Variants in ALX4 observed in about 807,000 individuals in gnomAD.
The protein encoded by ALX4 is homeobox protein aristaless-like 4.
A neutral mutation model predicts 40.6 loss-of-function variants in ALX4; 22 were observed. The observed-to-expected ratio is 0.54, with a 90% CI of 0.39 to 0.77. ALX4 has a LOEUF of 0.77. ALX4 is among the 30% of genes least tolerant of loss of function. The probability of loss-of-function intolerance (pLI) is 0.00; values close to 1 mark genes in which losing one functional copy is unlikely to be tolerated. For synonymous variants in ALX4, 266 were observed against 240.5 expected, an observed-to-expected ratio of 1.11 and a Z score of -0.98; for missense variants, 556 against 564.8, an observed-to-expected ratio of 0.98 and a Z score of 0.16.
chr11:44,275,797 G>T, intron 1 of ALX4, 139 bp from the exon 2 acceptor site: 1 of 761,208 alleles, frequency 1.3e-6, no homozygotes, highest in Non-Finnish European at 2.1e-6. Context: ...GAGGTCCGGA[G>T]ACTTGGCTTC....
At chr11:44,293,560 C>A (rs1426663436) in intron 1 of ALX4, among the ~76,000 whole-genome samples, 1 of 152,234 alleles carries the variant, frequency 6.6e-6, no homozygotes, top group East Asian at 1.9e-4. Context: ...CGGGATAGAT[C>A]TCCTGAGAGG....
chr11:44,267,628 A>AGAC lies in ALX4; in HGVS notation c.778-9_778-7dup. On this transcript the variant is annotated splice_polypyrimidine_tract_variant and splice_region_variant and intron_variant, in intron 2 of 3. Coordinates refer to ENST00000652299, the MANE Select transcript of ALX4 (RefSeq NM_021926.4). ...CTTCGGTTCTGGAACCAGACCTACAAGACGCGAAAAAGCCATTGTCACCAG... is the reference window on the plus strand; with the variant it reads ...CTTCGGTTCTGGAACCAGACCTACAAGACGACGCGAAAAAGCCATTGTCACCAG... The AGAC allele has an allele frequency of 3.1e-6, 5 of 1,614,146 alleles. No homozygotes were observed. Among genetic ancestry groups the AGAC allele is most frequent in the Non-Finnish European group, 4.2e-6 (5 of 1,180,024 alleles).
intron 1 of ALX4, among the ~76,000 whole-genome samples, chr11:44,307,186 A>T (rs942105298): frequency 6.6e-6 from 1 of 152,064 alleles, no homozygotes; most frequent in Non-Finnish European, 1.5e-5. Context: ...GGGCAGGGGT[A>T]GCGGGGGCTC....
In ALX4 at chr11:44,265,024, C is replaced by A. The variant is rs952423649; in HGVS notation, c.1066G>T (p.Gly356Cys). ...ATGTGCGTCTGGCCCACGTGACTGC[C>A]AGCCCCAGACACACTCAGGAAGTCG... The part of the protein sequence containing the change: ...VTDFLSVSGA[G>C]SHVGQTHMGS... Residue 356 changes from glycine (G) to cysteine (C), a missense_variant, in exon 4 of 4, where the codon GGC (glycine) becomes TGC (cysteine). By Grantham distance (159) the Gly-to-Cys change is radical. Transcript: ENST00000652299. 6.2e-7 allele frequency: 1 copy of A among 1,613,096 alleles called. No individual in the cohort carries two copies. Among genetic ancestry groups the A allele is most frequent in the South Asian group, 1.1e-5 (1 of 91,080 alleles).
chr11:44,269,944 A>G (rs1306728460), intron 2 of ALX4, among the ~76,000 whole-genome samples: 2 of 151,726 alleles, frequency 1.3e-5, no homozygotes, highest in Non-Finnish European at 2.9e-5. Flanking sequence ...ACGGAGAGAG[A>G]TGGCTTCTCT....
intron 2 of ALX4, 99 bp downstream of exon 2, chr11:44,275,249 T>A: frequency 3.3e-6 from 4 of 1,229,622 alleles, no homozygotes; most frequent in Non-Finnish European, 2.4e-6. Context: ...AGGAAAGCCA[T>A]GGTGTGGTTG....
At chr11:44,267,670 G>A (rs760942042) in intron 2 of ALX4, 48 bp from the exon 3 acceptor site, 4 of 1,612,900 alleles carry the variant, frequency 2.5e-6, no homozygotes, top group Non-Finnish European at 3.4e-6. Flanking sequence ...ATGCCCGCCT[G>A]GAGGCCTCAC....
chr11:44,281,061 A>G (rs1017199717), intron 1 of ALX4, among the ~76,000 whole-genome samples: 1 of 152,152 alleles, frequency 6.6e-6, no homozygotes, highest in African/African-American at 2.4e-5. Flanking sequence ...TACCTTTTTA[A>G]AACAGGAAAA....
intron 1 of ALX4, among the ~76,000 whole-genome samples, chr11:44,300,932 G>C (rs183934119): frequency 1.3e-5 from 2 of 152,222 alleles, no homozygotes; most frequent in Non-Finnish European, 2.9e-5. Context: ...AACCCTGGTG[G>C]CGCCTGCACG....
At chr11:44,277,291 G>T (rs146607476) in intron 1 of ALX4, among the ~76,000 whole-genome samples, 3 of 152,180 alleles carry the variant, frequency 2.0e-5, no homozygotes. Context: ...CAGGCCCTTG[G>T]GCACAGGAGC....
chr11:44,267,831 C>A (rs896293077), intron 2 of ALX4, among the ~76,000 whole-genome samples: 1 of 152,172 alleles, frequency 6.6e-6, no homozygotes, highest in Non-Finnish European at 1.5e-5. Context: ...AGGTATCTTA[C>A]CCCCACTAGC....
chr11:44,304,509 C>T (rs1289891125), intron 1 of ALX4, among the ~76,000 whole-genome samples: 1 of 152,154 alleles, frequency 6.6e-6, no homozygotes, highest in Non-Finnish European at 1.5e-5. Flanking sequence ...CCCCATGAAT[C>T]ATCCCAAGGC....
At chr11:44,274,307 T>A (rs185283662) in intron 2 of ALX4, among the ~76,000 whole-genome samples, 20 of 151,710 alleles carry the variant, frequency 1.3e-4, no homozygotes, top group African/African-American at 4.6e-4. Context: ...TTGTGTTAGG[T>A]TGAGTTCTGT....
At chr11:44,269,269 T>G (rs1480669233) in intron 2 of ALX4, among the ~76,000 whole-genome samples, 3 of 152,242 alleles carry the variant, frequency 2.0e-5, no homozygotes, top group Non-Finnish European at 4.4e-5. Flanking sequence ...GAATGGTACC[T>G]CATAGTCGCA....
intron 1 of ALX4, among the ~76,000 whole-genome samples, chr11:44,306,925 G>A (rs1218583820): frequency 1.3e-5 from 2 of 152,184 alleles, no homozygotes; most frequent in East Asian, 3.9e-4. Context: ...GGGAGACTCA[G>A]CTGCTGAGAG....
At chr11:44,297,436 G>A (rs935250424) in intron 1 of ALX4, among the ~76,000 whole-genome samples, 5 of 152,052 alleles carry the variant, frequency 3.3e-5, no homozygotes, top group African/African-American at 1.2e-4. Context: ...ATGGCCCAGG[G>A]GCCAGGCGCG....
chr11:44,265,715 G>T (rs1956209927), intron 3 of ALX4, among the ~76,000 whole-genome samples: 1 of 152,090 alleles, frequency 6.6e-6, no homozygotes, highest in Admixed American at 6.5e-5. Context: ...GAAACCAAGG[G>T]TCAGTGGCTG....
intron 1 of ALX4, among the ~76,000 whole-genome samples, chr11:44,292,715 G>A (rs1257005872): frequency 2.0e-5 from 3 of 152,114 alleles, no homozygotes; most frequent in South Asian, 2.1e-4. Context: ...GAGTAGATGG[G>A]TTCCCAGGAT....
intron 1 of ALX4, among the ~76,000 whole-genome samples, chr11:44,299,293 G>C (rs1956421233): frequency 6.6e-6 from 1 of 151,506 alleles, no homozygotes; most frequent in African/African-American, 2.4e-5. Flanking sequence ...ATTTACTCCT[G>C]ACACTACTTG....
Sources: allele counts gnomAD v4.1 joint callset (sites outside exome capture counted in the v4.1 genomes callset), GRCh38; gene constraint gnomAD v4.1.1; transcripts MANE v1.5; gene names NCBI Gene and HGNC (gene_info 2026-07-23, HGNC 2026-07-21).